RERE: variants seen among roughly 807,000 people sequenced by gnomAD.
RERE encodes the protein arginine-glutamic acid dipeptide repeats.
Under a neutral mutation model 146.1 loss-of-function variants are expected in RERE, and 40 were observed. That is an observed-to-expected ratio of 0.27 (90% CI 0.21 to 0.36). The LOEUF (loss-of-function observed/expected upper bound fraction) is 0.36. RERE is among the 10% of genes least tolerant of loss of function. RERE has a pLI of 1.00. For synonymous variants in RERE, 1,003 were observed against 866.0 expected, an observed-to-expected ratio of 1.16 and a Z score of -2.78; for missense variants, 1,933 against 2,138.7, an observed-to-expected ratio of 0.90 and a Z score of 1.90.
chr1:8,563,318 T>C (rs1368123269), intron 4 of RERE, among the ~76,000 whole-genome samples: 1 of 152,124 alleles, frequency 6.6e-6, no homozygotes, highest in Non-Finnish European at 1.5e-5. Flanking sequence ...ATCTGGATAG[T>C]TCATAAATAC....
intron 1 of RERE, among the ~76,000 whole-genome samples, chr1:8,742,997 C>A (rs1640341661): frequency 1.3e-5 from 2 of 151,958 alleles, no homozygotes; most frequent in South Asian, 2.1e-4. Context: ...TTCAGCAACT[C>A]AATCATTGTT....
intron 2 of RERE, among the ~76,000 whole-genome samples, chr1:8,628,622 C>T (rs555982630): frequency 6.6e-6 from 1 of 152,206 alleles, no homozygotes; most frequent in South Asian, 2.1e-4. Context: ...AAGCCAAATT[C>T]TCATATAAAA....
chr1:8,681,114 C>T (rs1298688334), intron 1 of RERE, among the ~76,000 whole-genome samples: 1 of 152,114 alleles, frequency 6.6e-6, no homozygotes, highest in African/African-American at 2.4e-5. Context: ...TTCTAACTTA[C>T]AGAAAACGCA....
intron 12 of RERE, among the ~76,000 whole-genome samples, chr1:8,386,075 A>G (rs1233275351): frequency 7.8e-6 from 1 of 128,334 alleles, no homozygotes; most frequent in Non-Finnish European, 1.6e-5. Context: ...CAAAAGAACC[A>G]CAAAGGAGCA....
At chr1:8,607,156 T>G (rs1646723988) in intron 4 of RERE, among the ~76,000 whole-genome samples, 1 of 151,818 alleles carries the variant, frequency 6.6e-6, no homozygotes, top group African/African-American at 2.4e-5. Context: ...AGCCCAAGAG[T>G]TCGAGACCAG....
intron 4 of RERE, among the ~76,000 whole-genome samples, chr1:8,601,599 T>C (rs867800973): frequency 6.9e-6 from 1 of 144,224 alleles, no homozygotes; most frequent in Admixed American, 7.0e-5. Context: ...GATACCTTAA[T>C]CCCAACTGCC....
intron 7 of RERE, among the ~76,000 whole-genome samples, chr1:8,538,004 G>A (rs1444080566): frequency 6.6e-6 from 1 of 152,150 alleles, no homozygotes; most frequent in Admixed American, 6.5e-5. Context: ...AACTACTTTT[G>A]GAAAATCAGC....
intron 1 of RERE, among the ~76,000 whole-genome samples, chr1:8,665,758 A>G (rs1230732798): frequency 6.6e-6 from 1 of 152,248 alleles, no homozygotes; most frequent in Non-Finnish European, 1.5e-5. Flanking sequence ...ATATGCACTA[A>G]GCACTTTACA....
intron 12 of RERE, among the ~76,000 whole-genome samples, chr1:8,389,182 A>G (rs1463777873): frequency 6.6e-6 from 1 of 152,228 alleles, no homozygotes; most frequent in South Asian, 2.1e-4. Flanking sequence ...GTGCTTCTAG[A>G]TAAGGCCGAA....
intron 4 of RERE, among the ~76,000 whole-genome samples, chr1:8,570,043 A>AC (rs1646200361): frequency 6.6e-6 from 1 of 152,208 alleles, no homozygotes; most frequent in African/African-American, 2.4e-5. Flanking sequence ...GTATTTAAAA[A>AC]TAAAAAAATT....
intron 1 of RERE, among the ~76,000 whole-genome samples, chr1:8,813,822 C>T (rs1427696982): frequency 6.6e-6 from 1 of 152,132 alleles, no homozygotes; most frequent in East Asian, 1.9e-4. Context: ...ACCATGTTGG[C>T]CAGGCTGGTC....
chr1:8,543,203 G>A (rs1041453171), intron 6 of RERE, among the ~76,000 whole-genome samples: 1 of 152,240 alleles, frequency 6.6e-6, no homozygotes, highest in Admixed American at 6.5e-5. Flanking sequence ...GCCCAGAACT[G>A]CCTCTTCTAG....
intron 1 of RERE, among the ~76,000 whole-genome samples, chr1:8,758,553 A>G (rs2401190): frequency 0.8 from 120,815 of 151,700 alleles, 48,464 homozygotes; most frequent in East Asian, 0.95. Context: ...CACCACACCT[A>G]GCTAACTTTT....
At chr1:8,366,929 CAAAAAAAAAAAA>C (rs1641827864) in intron 12 of RERE, among the ~76,000 whole-genome samples, 1 of 84,306 alleles carries the variant, frequency 1.2e-5, no homozygotes, top group Non-Finnish European at 2.4e-5. Flanking sequence ...AAAAAAAAAA[CAAAAAAAAAAAA>C]CCCAAAAAAC....
intron 10 of RERE, among the ~76,000 whole-genome samples, chr1:8,491,288 A>G (rs1644977057): frequency 6.6e-6 from 1 of 151,970 alleles, no homozygotes; most frequent in South Asian, 2.1e-4. Flanking sequence ...TAAAAATACA[A>G]AATTAGCCGG....
rs746161179 is a variant in RERE at position 8,798,270 on chromosome 1, G to A, written c.-145+18890C>T. Among the ~76,000 whole-genome samples the A allele has an allele frequency of 2.6e-5, 4 of 152,076 alleles. No homozygotes were observed. In the East Asian group the frequency reaches 5.8e-4, roughly 22 times the overall value. ...AAATTAGCCAGGCATGGTGGCGAGC[G>A]CCTGTAATCCCAGCTACCTGGGAGG... On this transcript the variant is annotated intron_variant, in intron 1 of 22. Transcript: ENST00000400908.
intron 7 of RERE, among the ~76,000 whole-genome samples, chr1:8,518,516 G>A (rs1177992607): frequency 2.6e-5 from 4 of 152,222 alleles, no homozygotes; most frequent in East Asian, 1.9e-4. Context: ...TCTTAGAAAC[G>A]CTACTTAGTA....
At chr1:8,565,092 T>C (rs1646136922) in intron 4 of RERE, among the ~76,000 whole-genome samples, 1 of 151,970 alleles carries the variant, frequency 6.6e-6, no homozygotes, top group South Asian at 2.1e-4. Context: ...GGGGAGCTAA[T>C]GCTCAAAGGG....
intron 1 of RERE, among the ~76,000 whole-genome samples, chr1:8,810,406 G>A (rs576334685): frequency 6.6e-6 from 1 of 152,180 alleles, no homozygotes; most frequent in Non-Finnish European, 1.5e-5. Flanking sequence ...AGAAGTTCAA[G>A]ACCAGCCTGG....
Sources: gnomAD v4.1 joint callset for allele counts (sites outside exome capture counted in the v4.1 genomes callset) on GRCh38, gnomAD v4.1.1 for gene constraint, MANE v1.5 for transcripts, NCBI Gene and HGNC (gene_info 2026-07-23, HGNC 2026-07-21) for gene names.